The following LRRIQ3 variants were observed in gnomAD, a reference collection of about 807,000 sequenced individuals.
LRRIQ3 encodes leucine-rich repeat and IQ domain-containing protein 3.
Under a neutral mutation model 59.3 loss-of-function variants are expected in LRRIQ3, and 75 were observed. That is an observed-to-expected ratio of 1.26 (90% CI 1.05 to 1.53). The LOEUF is 1.53. LRRIQ3 is among the 40% of genes most tolerant of loss of function. The probability of loss-of-function intolerance (pLI) is 0.00; values close to 1 mark genes in which losing one functional copy is unlikely to be tolerated. For missense variants in LRRIQ3, 831 were observed against 710.0 expected, an observed-to-expected ratio of 1.17 and a Z score of -1.94; for synonymous variants, 250 against 231.3, an observed-to-expected ratio of 1.08 and a Z score of -0.73.
At chr1:74,155,899 T>C (rs1229052732) in intron 3 of LRRIQ3, 33 bp from the exon 4 acceptor site, 2 of 1,137,410 alleles carry the variant, frequency 1.8e-6, no homozygotes, top group Non-Finnish European at 2.4e-6. Flanking sequence ...ATAATTTTTA[T>C]CTTTCATGAA....
chr1:74,059,816 AT>A (rs1654649560), intron 6 of LRRIQ3, among the ~76,000 whole-genome samples: 1 of 151,960 alleles, frequency 6.6e-6, no homozygotes, highest in Admixed American at 6.6e-5. Context: ...TAAGTCACCC[AT>A]TTTAAGAAAA....
chr1:74,079,752 G>A (rs955835857), intron 5 of LRRIQ3, among the ~76,000 whole-genome samples: 1 of 151,806 alleles, frequency 6.6e-6, no homozygotes, highest in African/African-American at 2.4e-5. Flanking sequence ...CAGAAGGAAT[G>A]AGTGGAGATT....
At chr1:74,030,967 T>C (rs1322234952) in intron 7 of LRRIQ3, among the ~76,000 whole-genome samples, 3 of 152,154 alleles carry the variant, frequency 2.0e-5, no homozygotes, top group Admixed American at 6.6e-5. Context: ...AAACAGACAC[T>C]TCTCAAAAGA....
At chr1:74,143,517 A>C (rs1409903303) in intron 4 of LRRIQ3, among the ~76,000 whole-genome samples, 1 of 151,908 alleles carries the variant, frequency 6.6e-6, no homozygotes, top group African/African-American at 2.4e-5. Context: ...ACTGTATGAA[A>C]CATTTTTCAC....
intron 4 of LRRIQ3, among the ~76,000 whole-genome samples, chr1:74,139,515 A>G (rs1647193973): frequency 6.6e-6 from 1 of 151,840 alleles, no homozygotes; most frequent in African/African-American, 2.4e-5. Context: ...TCTATATTTT[A>G]TTCCAGGCAC....
chr1:74,174,548 A>ATT (rs34076332), intron 3 of LRRIQ3, among the ~76,000 whole-genome samples: 177 of 134,648 alleles, frequency 1.3e-3, no homozygotes, highest in African/African-American at 4.5e-3. Flanking sequence ...ATGCCTGGCT[A>ATT]TTTTTTTTTT....
intron 6 of LRRIQ3, among the ~76,000 whole-genome samples, chr1:74,071,113 A>G (rs1416958320): frequency 6.6e-6 from 1 of 151,382 alleles, no homozygotes; most frequent in African/African-American, 2.4e-5. Flanking sequence ...GTTGTTAGGT[A>G]AATTGTTTGT....
At chr1:74,057,240 A>T (rs1192982613) in intron 6 of LRRIQ3, among the ~76,000 whole-genome samples, 3 of 152,060 alleles carry the variant, frequency 2.0e-5, no homozygotes, top group Non-Finnish European at 4.4e-5. Context: ...ATTATATAAG[A>T]TCCTGAATAT....
At chr1:74,149,292 A>C (rs1442844584) in intron 4 of LRRIQ3, among the ~76,000 whole-genome samples, 2 of 152,180 alleles carry the variant, frequency 1.3e-5, no homozygotes, top group Non-Finnish European at 1.5e-5. Flanking sequence ...GCATCAGTAA[A>C]TTCATCCAGG....
In LRRIQ3 at chr1:74,138,155, C is replaced by G. The variant is rs989395938; in HGVS notation, c.707+17578G>C. Among the ~76,000 whole-genome samples the G allele has an allele frequency of 2.6e-4, 14 of 53,718 alleles. No homozygotes were observed. The East Asian group carries it at 0.018, about 70-fold the overall frequency. The allele number at this position is 53,718 out of a possible 152,430, so 35.2% of individuals were successfully genotyped here. A position where few individuals can be genotyped will look rare whatever the true frequency, so the allele number is the denominator to read the frequency against. On this transcript the variant is annotated intron_variant, in intron 4 of 7. Transcript: ENST00000354431. ...GGCTCTTTTGCTTCCTTTAAAAAAACAAACAAACAAAAAAAAAAAACAAAA... is the reference window on the plus strand; with the variant it reads ...GGCTCTTTTGCTTCCTTTAAAAAAAGAAACAAACAAAAAAAAAAAACAAAA...
chr1:74,113,657 C>A (rs1470482415), intron 4 of LRRIQ3, among the ~76,000 whole-genome samples: 2 of 152,074 alleles, frequency 1.3e-5, no homozygotes, highest in East Asian at 1.9e-4. Context: ...GAAAGAAATT[C>A]AATTAACAAT....
intron 6 of LRRIQ3, among the ~76,000 whole-genome samples, chr1:74,061,780 G>A (rs1004187391): frequency 3.3e-5 from 5 of 152,142 alleles, no homozygotes; most frequent in South Asian, 2.1e-4. Context: ...TACACTAGTA[G>A]TCTCAGCAGT....
Position 74,033,696 on chromosome 1 carries a change from T to C in LRRIQ3, c.1719-6727A>G, listed in dbSNP as rs577700278. Among the ~76,000 whole-genome samples, 29 of 152,056 alleles carry C rather than the reference T, an allele frequency of 1.9e-4. 1 individual carries two copies. Among genetic ancestry groups the C allele is most frequent in the African/African-American group, 5.5e-4 (23 of 41,526 alleles). On this transcript the variant is annotated intron_variant, in intron 7 of 7. Coordinates refer to ENST00000354431, the MANE Select transcript of LRRIQ3 (RefSeq NM_001105659.2). ...TGAATTTGGAAGTTAACAATGATTA[T>C]GGCAGAAATTGGATGGAGAGAAAAA...
chr1:74,152,166 T>C (rs1648032388), intron 4 of LRRIQ3, among the ~76,000 whole-genome samples: 1 of 151,606 alleles, frequency 6.6e-6, no homozygotes, highest in Non-Finnish European at 1.5e-5. Context: ...AATTTAGAAA[T>C]GCAGTGATAG....
At chr1:74,161,017 G>A (rs1198050234) in intron 3 of LRRIQ3, among the ~76,000 whole-genome samples, 1 of 151,868 alleles carries the variant, frequency 6.6e-6, no homozygotes, top group African/African-American at 2.4e-5. Flanking sequence ...ACATAGTCTG[G>A]GTAGCTTATA....
intron 7 of LRRIQ3, among the ~76,000 whole-genome samples, chr1:74,035,106 C>A (rs79006439): frequency 0.015 from 2,281 of 152,112 alleles, 46 homozygotes; most frequent in African/African-American, 0.052. Context: ...AATTTTACAA[C>A]TCTAAATTAA....
chr1:74,151,338 G>A (rs1342554567), intron 4 of LRRIQ3, among the ~76,000 whole-genome samples: 4 of 152,042 alleles, frequency 2.6e-5, no homozygotes, highest in Admixed American at 1.3e-4. Flanking sequence ...TTATGGCAGT[G>A]ACATAGTTTT....
intron 6 of LRRIQ3, among the ~76,000 whole-genome samples, chr1:74,062,868 A>C (rs78720744): frequency 0.033 from 5,094 of 152,122 alleles, 306 homozygotes; most frequent in African/African-American, 0.12. Context: ...GAGTGAAAAA[A>C]TACCTATCGG....
At chr1:74,086,589 C>A (rs1437648751) in intron 5 of LRRIQ3, among the ~76,000 whole-genome samples, 1 of 152,044 alleles carries the variant, frequency 6.6e-6, no homozygotes, top group East Asian at 1.9e-4. Flanking sequence ...TATACCATCA[C>A]CTGTGAATCT....
Sources: allele counts gnomAD v4.1 joint callset (sites outside exome capture counted in the v4.1 genomes callset), GRCh38; gene constraint gnomAD v4.1.1; transcripts MANE v1.5; gene names NCBI Gene and HGNC (gene_info 2026-07-23, HGNC 2026-07-21).